MYO5A: variants seen among roughly 807,000 people sequenced by gnomAD.
MYO5A encodes the protein unconventional myosin-Va.
In MYO5A, 98 loss-of-function variants were observed where a neutral mutation model predicts 249.7. That is an observed-to-expected ratio of 0.39 (90% CI 0.33 to 0.46). The LOEUF (loss-of-function observed/expected upper bound fraction) is 0.46. MYO5A is among the 20% of genes least tolerant of loss of function. MYO5A has a pLI of 0.98. For synonymous variants in MYO5A, 778 were observed against 810.6 expected, an observed-to-expected ratio of 0.96 and a Z score of 0.68; for missense variants, 1,696 against 2,308.8, an observed-to-expected ratio of 0.73 and a Z score of 5.44.
upstream of MYO5A, chr15:52,529,016 C>T: frequency 4.0e-6 from 1 of 250,628 alleles, no homozygotes; most frequent in Non-Finnish European, 7.1e-6. Context: ...CCGGGCTCGC[C>T]GCGAGCAGCC....
intron 25 of MYO5A, among the ~76,000 whole-genome samples, chr15:52,357,484 G>A (rs531044089): frequency 6.6e-6 from 1 of 151,538 alleles, no homozygotes; most frequent in South Asian, 2.1e-4. Context: ...AATGTGATGG[G>A]TTAACTCTTT....
chr15:52,385,159 T>C (rs546447241), intron 14 of MYO5A, among the ~76,000 whole-genome samples: 9 of 152,338 alleles, frequency 5.9e-5, no homozygotes, highest in African/African-American at 1.9e-4. Context: ...TCTTGATGTA[T>C]GTACATATCT....
chr15:52,518,794 A>C (rs1724620), intron 1 of MYO5A, among the ~76,000 whole-genome samples: 141,371 of 152,236 alleles, frequency 0.93, 66,573 homozygotes, highest in East Asian at 1. Flanking sequence ...GAAACACATA[A>C]ACATGCTCAC....
At chr15:52,469,359 T>G (rs1265340236) in intron 1 of MYO5A, among the ~76,000 whole-genome samples, 1 of 152,134 alleles carries the variant, frequency 6.6e-6, no homozygotes, top group African/African-American at 2.4e-5. Context: ...TACAATAAAG[T>G]AAGCTAGAGA....
At chr15:52,378,358 T>C (rs2041537663) in intron 18 of MYO5A, among the ~76,000 whole-genome samples, 1 of 151,074 alleles carries the variant, frequency 6.6e-6, no homozygotes, top group Non-Finnish European at 1.5e-5. Context: ...CTGTTTCTAC[T>C]AAAAATACAA....
At chr15:52,523,131 C>T (rs2077656644) in intron 1 of MYO5A, among the ~76,000 whole-genome samples, 1 of 152,208 alleles carries the variant, frequency 6.6e-6, no homozygotes, top group African/African-American at 2.4e-5. Context: ...GGCATTATTT[C>T]ATACTACTCC....
intron 36 of MYO5A, among the ~76,000 whole-genome samples, chr15:52,326,539 C>T (rs1160326512): frequency 2.0e-5 from 3 of 152,060 alleles, no homozygotes; most frequent in Non-Finnish European, 2.9e-5. Flanking sequence ...AGTTCGCTCC[C>T]CAGGGCTGAG....
intron 1 of MYO5A, among the ~76,000 whole-genome samples, chr15:52,492,822 A>T (rs776926509): frequency 1.3e-5 from 2 of 152,216 alleles, no homozygotes; most frequent in Non-Finnish European, 2.9e-5. Context: ...AGGAGTTGAT[A>T]CTGTTGAAGT....
intron 13 of MYO5A, among the ~76,000 whole-genome samples, chr15:52,388,131 T>A (rs1274282280): frequency 6.6e-6 from 1 of 152,144 alleles, no homozygotes; most frequent in Non-Finnish European, 1.5e-5. Flanking sequence ...GAAACAGTGG[T>A]AGCGCTGATT....
chr15:52,448,957 C>CTTTTTTTT lies in MYO5A; in HGVS notation c.28-15680_28-15673dup, dbSNP rs145765339. ...TTTTTTTTTTTCTTTTCTTGTCTTT[C>CTTTTTTTT]TTTTTTTTTTTTTTTTTTTTTTTTT... On this transcript the variant is annotated intron_variant, in intron 1 of 41. Coordinates refer to ENST00000399233, the MANE Select transcript of MYO5A (RefSeq NM_001382347.1). Among the ~76,000 whole-genome samples the CTTTTTTTT allele has an allele frequency of 3.2e-3, 180 of 55,610 alleles. 3 individuals are homozygous for CTTTTTTTT. Among genetic ancestry groups the CTTTTTTTT allele is most frequent in the African/African-American group, 4.0e-3 (47 of 11,798 alleles). 36.5% of individuals were successfully genotyped at this position (55,610 alleles called of 152,430 possible). A position where few individuals can be genotyped will look rare whatever the true frequency, so the allele number is the denominator to read the frequency against.
chr15:52,465,240 T>A (rs2076329741), intron 1 of MYO5A, among the ~76,000 whole-genome samples: 1 of 152,186 alleles, frequency 6.6e-6, no homozygotes, highest in Non-Finnish European at 1.5e-5. Flanking sequence ...CATCTTTAAG[T>A]GGAAGTGTTA....
intron 34 of MYO5A, among the ~76,000 whole-genome samples, chr15:52,332,397 G>A (rs2038931792): frequency 6.6e-6 from 1 of 152,120 alleles, no homozygotes; most frequent in Admixed American, 6.5e-5. Context: ...GGGAAACACT[G>A]CATCTCAGAA....
At chr15:52,453,800 C>T (rs2076066540) in intron 1 of MYO5A, among the ~76,000 whole-genome samples, 1 of 152,014 alleles carries the variant, frequency 6.6e-6, no homozygotes, top group Non-Finnish European at 1.5e-5. Context: ...CTTGACATAA[C>T]TTATTATATC....
intron 6 of MYO5A, among the ~76,000 whole-genome samples, chr15:52,408,651 A>G (rs1431120967): frequency 6.6e-6 from 1 of 152,224 alleles, no homozygotes; most frequent in Non-Finnish European, 1.5e-5. Flanking sequence ...ACTGTTTTAT[A>G]AAATAGAAAA....
chr15:52,528,789 G>A lies in MYO5A; in HGVS notation c.18C>T (p.Leu6=). Residue 6 remains leucine (L), a synonymous_variant, in exon 1 of 42, where the codon CTC becomes CTT. Transcript: ENST00000399233. MAASE[L]YTKFARVWIP... ...CCGCGGGGTGCCTTACCTTTGTGTA[G>A]AGCTCCGACGCAGCCATGGCGGGCC... The A allele has an allele frequency of 1.3e-6, 2 of 1,499,924 alleles. No homozygotes were observed. Among genetic ancestry groups the A allele is most frequent in the South Asian group, 1.2e-5 (1 of 80,316 alleles). The allele number at this position is 1,499,924 out of a possible 1,614,324, so 92.9% of individuals were successfully genotyped here.
Position 52,433,259 on chromosome 15 carries a change from T to C in MYO5A, c.54A>G (p.Pro18=). 3 of 1,613,788 alleles carry C rather than the reference T, an allele frequency of 1.9e-6. No individual in the cohort carries two copies. Among genetic ancestry groups the C allele is most frequent in the Non-Finnish European group, 2.5e-6 (3 of 1,179,864 alleles). Residue 18 remains proline, a synonymous_variant, in exon 2 of 42, where the codon CCA becomes CCG. Coordinates refer to ENST00000399233, the MANE Select transcript of MYO5A (RefSeq NM_001382347.1). Reference sequence around the variant, plus strand: ...GCTCTGCTGACTTCCAGACTTCCTCTGGATCAGGTATCCAAACCCTGGCAA... The same window carrying C: ...GCTCTGCTGACTTCCAGACTTCCTCCGGATCAGGTATCCAAACCCTGGCAA... ...TKFARVWIPD[P]EEVWKSAELL... is the part of the protein sequence containing the mutation.
At chr15:52,339,523 GA>G (rs993781926) in intron 32 of MYO5A, among the ~76,000 whole-genome samples, 92 of 122,862 alleles carry the variant, frequency 7.5e-4, no homozygotes, top group Middle Eastern at 4.0e-3. Context: ...TTTGGCAAAA[GA>G]AAAAAAAAAA....
At chr15:52,449,712 C>G (rs1051701911) in intron 1 of MYO5A, among the ~76,000 whole-genome samples, 2 of 152,138 alleles carry the variant, frequency 1.3e-5, no homozygotes, top group African/African-American at 4.8e-5. Flanking sequence ...GTTAAGAATG[C>G]AGGCTTGCTA....
chr15:52,369,608 T>C (rs2040995416), intron 22 of MYO5A, among the ~76,000 whole-genome samples: 1 of 152,182 alleles, frequency 6.6e-6, no homozygotes, highest in South Asian at 2.1e-4. Context: ...GACTTCTTAA[T>C]ACAGCCTTAA....
Sources: gnomAD v4.1 joint callset for allele counts (sites outside exome capture counted in the v4.1 genomes callset) on GRCh38, gnomAD v4.1.1 for gene constraint, MANE v1.5 for transcripts, NCBI Gene and HGNC (gene_info 2026-07-23, HGNC 2026-07-21) for gene names.